Variants in ANK3 observed in about 807,000 individuals in gnomAD.
ANK3 encodes the protein ankyrin 3.
Under a neutral mutation model 370.9 loss-of-function variants are expected in ANK3, and 57 were observed. That is an observed-to-expected ratio of 0.15 (90% CI 0.12 to 0.19). The LOEUF (loss-of-function observed/expected upper bound fraction) is 0.19. Ranked by LOEUF, ANK3 falls within the 10% of genes least tolerant of loss-of-function variation. The pLI is 1.00. For missense variants in ANK3, 4,439 were observed against 5,302.1 expected (o/e 0.84, Z 5.06); for synonymous variants, 1,929 against 1,946.3 (o/e 0.99, Z 0.23).
chr10:60,552,882 T>C (rs953118598), intron 2 of ANK3, among the ~76,000 whole-genome samples: 3 of 152,204 alleles, frequency 2.0e-5, no homozygotes, highest in African/African-American at 2.4e-5. Flanking sequence ...ATGGGTCTCA[T>C]GAGATCTGAA....
chr10:60,610,999 A>G (rs1486031511), intron 2 of ANK3, among the ~76,000 whole-genome samples: 2 of 152,216 alleles, frequency 1.3e-5, no homozygotes, highest in Admixed American at 1.3e-4. Flanking sequence ...TTGTAATGTG[A>G]TAGCTAGATG....
chr10:60,084,540 C>A, intron 32 of ANK3, 62 bp downstream of exon 32: 1 of 1,410,614 alleles, frequency 7.1e-7, no homozygotes, highest in South Asian at 1.2e-5. Context: ...ATTAAGACCA[C>A]AAAATAAAAC....
At chr10:60,079,259 ATTTCAGCCCTTATGTTTCT>A (rs1197049431) in intron 36 of ANK3, among the ~76,000 whole-genome samples, 2 of 150,330 alleles carry the variant, frequency 1.3e-5, no homozygotes. Flanking sequence ...ATATGAGTTA[ATTTCAGCCCTTATGTTTCT>A]GGGAGGATTT....
intron 1 of ANK3, among the ~76,000 whole-genome samples, chr10:60,287,306 A>G (rs2040237061): frequency 6.6e-6 from 1 of 152,132 alleles, no homozygotes; most frequent in African/African-American, 2.4e-5. Flanking sequence ...AGCTTTCCCT[A>G]CAGCTGAAAA....
At chr10:60,043,223 A>G (rs894691164) in intron 42 of ANK3, 2 of 986,426 alleles carry the variant, frequency 2.0e-6, no homozygotes, top group Non-Finnish European at 2.4e-6. Context: ...CCAAGAAGGC[A>G]TCTATTTTGC....
chr10:60,064,213 G>T lies in ANK3; in HGVS notation c.12395C>A (p.Ser4132Tyr). The T allele has an allele frequency of 6.3e-7, 1 of 1,581,768 alleles. No homozygotes were observed. Among genetic ancestry groups the T allele is most frequent in the Non-Finnish European group, 8.5e-7 (1 of 1,171,180 alleles). The stretch of plus-strand genomic sequence containing the variant: ...TTTTTTTAATAACATGAAGCTCTGA[G>T]AAATTAAAGAATTTGGATTTTCCAC... ...IRVENPNSLI[S>Y]QSFMLLKKWV... The change falls in exon 39 of 44, where the codon TCT (serine) becomes TAT (tyrosine). Residue 4132 changes from serine (S) to tyrosine (Y), a missense_variant. Physicochemically the swap from Ser to Tyr is moderately radical, Grantham distance 144 (BLOSUM62 -2). This residue lies in a region of ANK3 where 99 missense variants were observed against 150.7 expected (regional missense o/e 0.66). Coordinates refer to ENST00000280772, the MANE Select transcript of ANK3 (RefSeq NM_020987.5).
At chr10:60,374,735 G>A (rs1443675737) in intron 1 of ANK3, among the ~76,000 whole-genome samples, 1 of 152,146 alleles carries the variant, frequency 6.6e-6, no homozygotes, top group Non-Finnish European at 1.5e-5. Context: ...AAGTGCTGTT[G>A]TCCTTTGTGG....
chr10:60,065,093 G>A (rs770767379), intron 38 of ANK3, among the ~76,000 whole-genome samples: 6 of 152,122 alleles, frequency 3.9e-5, no homozygotes, highest in Non-Finnish European at 7.4e-5. Context: ...ACTCCACACA[G>A]GAGGTTATAT....
chr10:60,220,976 GA>G (rs530785036), intron 8 of ANK3, among the ~76,000 whole-genome samples: 98 of 152,186 alleles, frequency 6.4e-4, no homozygotes, highest in African/African-American at 2.2e-3. Flanking sequence ...GCTACATACT[GA>G]ATGCAAAGTG....
chr10:60,712,084 G>C (rs2133430373), intron 1 of ANK3, among the ~76,000 whole-genome samples: 1 of 152,344 alleles, frequency 6.6e-6, no homozygotes, highest in African/African-American at 2.4e-5. Context: ...AGTGGCATAT[G>C]CCTGTAGTTC....
chr10:60,512,398 G>A (rs2076108718), intron 2 of ANK3, among the ~76,000 whole-genome samples: 1 of 152,062 alleles, frequency 6.6e-6, no homozygotes, highest in Non-Finnish European at 1.5e-5. Context: ...CATCCAATTA[G>A]TGAAAAAGCA....
chr10:60,488,350 C>T (rs574726032), intron 2 of ANK3, among the ~76,000 whole-genome samples: 8 of 152,114 alleles, frequency 5.3e-5, no homozygotes, highest in South Asian at 2.1e-4. Context: ...GGTGGGCAGA[C>T]GAAGAGCTCC....
At chr10:60,129,747 T>C (rs2093962936) in intron 25 of ANK3, among the ~76,000 whole-genome samples, 2 of 82,102 alleles carry the variant, frequency 2.4e-5, no homozygotes, top group Non-Finnish European at 6.2e-5. Context: ...AGTGAGACTC[T>C]GTCACACACA....
chr10:60,407,078 C>T (rs1161190976), intron 2 of ANK3, among the ~76,000 whole-genome samples: 1 of 152,194 alleles, frequency 6.6e-6, no homozygotes, highest in Admixed American at 6.5e-5. Flanking sequence ...ATTGAGAAGC[C>T]TGCAGATTTT....
intron 25 of ANK3, among the ~76,000 whole-genome samples, chr10:60,121,458 A>T (rs2093466891): frequency 6.6e-6 from 1 of 151,974 alleles, no homozygotes; most frequent in African/African-American, 2.4e-5. Flanking sequence ...TTGGGAGGTC[A>T]AAGTGGGCAG....
At chr10:60,642,684 C>T (rs1024918598) in intron 1 of ANK3, among the ~76,000 whole-genome samples, 9 of 151,788 alleles carry the variant, frequency 5.9e-5, no homozygotes, top group African/African-American at 1.2e-4. Flanking sequence ...TGCTAAAGGA[C>T]GAGTTAATGG....
chr10:60,592,305 C>T (rs1180714974), intron 2 of ANK3, among the ~76,000 whole-genome samples: 1 of 151,976 alleles, frequency 6.6e-6, no homozygotes, highest in Admixed American at 6.6e-5. Flanking sequence ...CAACCAAGAA[C>T]AATATTTTGA....
At chr10:60,586,456 A>G (rs552204514) in intron 2 of ANK3, among the ~76,000 whole-genome samples, 446 of 152,062 alleles carry the variant, frequency 2.9e-3, no homozygotes, top group African/African-American at 0.01. Context: ...TCTTTACCCC[A>G]CCACTATATA....
At chr10:60,665,914 GT>G (rs2078989899) in intron 1 of ANK3, among the ~76,000 whole-genome samples, 2 of 152,346 alleles carry the variant, frequency 1.3e-5, no homozygotes, top group South Asian at 2.1e-4. Context: ...AAATTAACAA[GT>G]GTTGGTAAAG....
Sources: gnomAD v4.1 joint callset for allele counts (sites outside exome capture counted in the v4.1 genomes callset) on GRCh38, gnomAD v4.1.1 for gene constraint, gnomAD v4.1.1 regional missense constraint, MANE v1.5 for transcripts, NCBI Gene and HGNC (gene_info 2026-07-23, HGNC 2026-07-21) for gene names.